Variants in CYP2C19 observed in about 807,000 individuals in gnomAD.
The protein encoded by CYP2C19 is cytochrome P450 family 2 subfamily C member 19, also known as cytochrome P450 2C19.
Under a neutral mutation model 40.9 loss-of-function variants are expected in CYP2C19, and 59 were observed. That is an observed-to-expected ratio of 1.44 (90% CI 1.17 to 1.79). CYP2C19 has a LOEUF of 1.79. Ranked by LOEUF, CYP2C19 falls within the 40% of genes most tolerant of loss-of-function variation. The probability of loss-of-function intolerance (pLI) is 0.00; values close to 1 mark genes in which losing one functional copy is unlikely to be tolerated. For missense variants in CYP2C19, 754 were observed against 596.9 expected, an observed-to-expected ratio of 1.26 and a Z score of -2.74; for synonymous variants, 253 against 208.7, an observed-to-expected ratio of 1.21 and a Z score of -1.83.
intron 5 of CYP2C19, among the ~76,000 whole-genome samples, chr10:94,809,818 A>G (rs1312848525): frequency 2.0e-5 from 3 of 152,024 alleles, no homozygotes; most frequent in Admixed American, 6.6e-5. Flanking sequence ...ATCTATTCAG[A>G]TAGTCATGTG....
At chr10:94,800,736 T>C (rs992423788) in intron 5 of CYP2C19, among the ~76,000 whole-genome samples, 1 of 152,154 alleles carries the variant, frequency 6.6e-6, no homozygotes, top group African/African-American at 2.4e-5. Flanking sequence ...TGGATGCCCC[T>C]TCCCCCACCT....
chr10:94,850,211 A>G (rs1036576306), intron 8 of CYP2C19, among the ~76,000 whole-genome samples, 153 bp downstream of exon 8: 2 of 152,126 alleles, frequency 1.3e-5, no homozygotes, highest in Non-Finnish European at 2.9e-5. Flanking sequence ...TCCGCTGGTG[A>G]TACATCCTCA....
At chr10:94,849,320 T>C (rs1849617085) in intron 7 of CYP2C19, among the ~76,000 whole-genome samples, 1 of 151,918 alleles carries the variant, frequency 6.6e-6, no homozygotes, top group South Asian at 2.1e-4. Flanking sequence ...GTGGGCATTT[T>C]ATTTATTTAT....
Position 94,780,562 on chromosome 10 carries a change from T to C in CYP2C19, c.545T>C (p.Ile182Thr). 6.2e-7 allele frequency: 1 copy of C among 1,613,972 alleles called. No individual in the cohort carries two copies. Among genetic ancestry groups the C allele is most frequent in the Non-Finnish European group, 8.5e-7 (1 of 1,179,940 alleles). Residue 182 changes from isoleucine (I) to threonine (T), a missense_variant, in exon 4 of 9, where the codon ATT (isoleucine) becomes ACT (threonine). Ile to Thr is a moderately conservative substitution (Grantham distance 89). Coordinates refer to ENST00000371321, the MANE Select transcript of CYP2C19 (RefSeq NM_000769.4). ...CCCTGCAATGTGATCTGCTCCATTA[T>C]TTTCCAGAAACGTTTCGATTATAAA... Reference protein sequence around the residue: ...CAPCNVICSIIFQKRFDYKDQ... With the variant: ...CAPCNVICSITFQKRFDYKDQ...
chr10:94,839,662 A>G, intron 6 of CYP2C19, among the ~76,000 whole-genome samples: 1 of 152,242 alleles, frequency 6.6e-6, no homozygotes, highest in East Asian at 1.9e-4. Flanking sequence ...GTCTTGGCTG[A>G]GTGCAAAGAG....
At chr10:94,797,471 T>G (rs1387629513) in intron 5 of CYP2C19, among the ~76,000 whole-genome samples, 1 of 151,990 alleles carries the variant, frequency 6.6e-6, no homozygotes, top group Non-Finnish European at 1.5e-5. Flanking sequence ...GTGTCTCTCC[T>G]GGGCTTTGGT....
chr10:94,826,756 T>G (rs1475708109), intron 6 of CYP2C19, among the ~76,000 whole-genome samples: 1 of 152,200 alleles, frequency 6.6e-6, no homozygotes, highest in Admixed American at 6.5e-5. Flanking sequence ...AGGGAATGCT[T>G]CCAGTTTTTG....
chr10:94,820,447 A>G lies in CYP2C19; in HGVS notation c.820-49A>G, dbSNP rs199779256. The stretch of plus-strand genomic sequence containing the variant: ...AGTAATTTTGAATTTACTGTCATCA[A>G]ATATGCTGTTAAATAATTTGTCAGA... On this transcript the variant is annotated intron_variant, in intron 5 of 8. Coordinates refer to ENST00000371321, the MANE Select transcript of CYP2C19 (RefSeq NM_000769.4). 35 of 1,604,860 alleles carry G rather than the reference A, an allele frequency of 2.2e-5. No individual in the cohort carries two copies. In the East Asian group the frequency reaches 5.8e-4, roughly 27 times the overall value.
At chr10:94,771,564 G>A (rs1848331515) in intron 1 of CYP2C19, among the ~76,000 whole-genome samples, 2 of 152,102 alleles carry the variant, frequency 1.3e-5, no homozygotes, top group African/African-American at 4.8e-5. Context: ...AGAAAAAAAT[G>A]AGCCACCTCT....
chr10:94,828,767 T>C (rs1849274742), intron 6 of CYP2C19, among the ~76,000 whole-genome samples: 1 of 152,166 alleles, frequency 6.6e-6, no homozygotes, highest in African/African-American at 2.4e-5. Flanking sequence ...CTCGATGGTC[T>C]TTACATTTTG....
At chr10:94,819,152 C>G (rs977171237) in intron 5 of CYP2C19, among the ~76,000 whole-genome samples, 1 of 149,188 alleles carries the variant, frequency 6.7e-6, no homozygotes, top group Non-Finnish European at 1.5e-5. Context: ...GGGTATATAA[C>G]GAAATGAAGG....
chr10:94,817,136 TC>T (rs1722981451), intron 5 of CYP2C19, among the ~76,000 whole-genome samples: 1 of 147,406 alleles, frequency 6.8e-6, no homozygotes, highest in Non-Finnish European at 1.5e-5. Context: ...TAATTCTAGA[TC>T]CCTGAGGAAT....
intron 1 of CYP2C19, chr10:94,773,840 G>A (rs1408994374): frequency 6.6e-6 from 1 of 152,186 alleles, no homozygotes; most frequent in Non-Finnish European, 1.5e-5. Context: ...TATGGAAGGG[G>A]ACCTGAGCAG....
rs530078623 is a variant in CYP2C19 at position 94,791,482 on chromosome 10, TG to T, written c.819+9486del. Among the ~76,000 whole-genome samples the T allele has an allele frequency of 3.1e-3, 475 of 152,304 alleles. 3 individuals carry two copies. The highest frequency in any genetic ancestry group is 0.011 in the African/African-American group (452 of 41,580). On this transcript the variant is annotated intron_variant, in intron 5 of 8. Transcript: ENST00000371321. ...TAGGGTGTCAAATTTAGACCTTTCC[TG>T]CTTTCTCCTGTGGGTATTTAGTGCT...
chr10:94,817,732 G>C (rs1279125886), intron 5 of CYP2C19, among the ~76,000 whole-genome samples: 1 of 151,950 alleles, frequency 6.6e-6, no homozygotes, highest in Non-Finnish European at 1.5e-5. Context: ...TTAAATCTTT[G>C]GCCGGGTGCG....
In CYP2C19 at chr10:94,766,630, G is replaced by A. The variant is rs146568893; in HGVS notation, c.168+3757G>A. 8.4e-3 allele frequency among the ~76,000 whole-genome samples: 1,275 copies of A among 152,206 alleles called. 22 individuals carry two copies. The highest frequency in any genetic ancestry group is 0.062 in the East Asian group (319 of 5,182). Reference sequence around the variant, plus strand: ...GGTTTTCACTTATCTTTTTTAAGGAGGAAGGGGTTTTTCTTCAGGATCGGT... The same window carrying A: ...GGTTTTCACTTATCTTTTTTAAGGAAGAAGGGGTTTTTCTTCAGGATCGGT... On this transcript the variant is annotated intron_variant, in intron 1 of 8. Transcript: ENST00000371321.
chr10:94,764,655 G>A (rs1848216716), intron 1 of CYP2C19, among the ~76,000 whole-genome samples: 1 of 152,138 alleles, frequency 6.6e-6, no homozygotes, highest in South Asian at 2.1e-4. Context: ...GAACTCTTTA[G>A]GCCAGTGAAA....
At chr10:94,818,535 T>C (rs1022858918) in intron 5 of CYP2C19, among the ~76,000 whole-genome samples, 1 of 144,782 alleles carries the variant, frequency 6.9e-6, no homozygotes, top group Non-Finnish European at 1.5e-5. Context: ...TGGAATGTTC[T>C]TCCATTTGTT....
At chr10:94,831,469 A>G (rs927035056) in intron 6 of CYP2C19, among the ~76,000 whole-genome samples, 4 of 152,358 alleles carry the variant, frequency 2.6e-5, no homozygotes, top group Middle Eastern at 3.4e-3. Context: ...TTTTTTGAGG[A>G]ACATTCAAAC....
Sources: allele counts gnomAD v4.1 joint callset (sites outside exome capture counted in the v4.1 genomes callset), GRCh38; gene constraint gnomAD v4.1.1; transcripts MANE v1.5; gene names NCBI Gene and HGNC (gene_info 2026-07-23, HGNC 2026-07-21).